KLHL32: variants seen among roughly 807,000 people sequenced by gnomAD.
The protein encoded by KLHL32 is kelch-like protein 32.
Under a neutral mutation model 64.8 loss-of-function variants are expected in KLHL32, and 35 were observed. That is an observed-to-expected ratio of 0.54 (90% CI 0.41 to 0.72). The LOEUF is 0.72. KLHL32 is among the 30% of genes least tolerant of loss of function. The pLI, the probability that KLHL32 is intolerant of heterozygous loss-of-function variation, is 0.00. For synonymous variants in KLHL32, 259 were observed against 281.0 expected, an observed-to-expected ratio of 0.92 and a Z score of 0.78; for missense variants, 589 against 768.5, an observed-to-expected ratio of 0.77 and a Z score of 2.76.
At chr6:96,995,069 A>G (rs1406429505) in intron 3 of KLHL32, among the ~76,000 whole-genome samples, 3 of 152,130 alleles carry the variant, frequency 2.0e-5, no homozygotes, top group Admixed American at 6.5e-5. Flanking sequence ...CTGTGAACCT[A>G]TGTTTTTTCA....
intron 5 of KLHL32, among the ~76,000 whole-genome samples, chr6:97,067,912 G>A (rs1050924192): frequency 2.6e-5 from 4 of 152,108 alleles, no homozygotes; most frequent in Non-Finnish European, 5.9e-5. Flanking sequence ...TGCCATTAGG[G>A]GAGAAGATTC....
chr6:97,015,869 G>A (rs1458160830), intron 3 of KLHL32, among the ~76,000 whole-genome samples: 1 of 152,086 alleles, frequency 6.6e-6, no homozygotes, highest in Non-Finnish European at 1.5e-5. Flanking sequence ...TTGGGACTTG[G>A]TCCCCTGCAT....
At position 96,984,773 on chromosome 6, in the gene KLHL32, C is replaced by T. The variant is rs368840117; in HGVS notation, c.204+8596C>T. ...TTTTGAGCCTATGTGTGTCTCTGCA[C>T]GTGAGATGGGTTTCCTGAATACAGT... is the stretch of plus-strand genomic sequence containing the variant. On this transcript the variant is annotated intron_variant, in intron 3 of 10. Transcript: ENST00000369261. Among the ~76,000 whole-genome samples, 385 of 152,218 alleles carry T rather than the reference C, an allele frequency of 2.5e-3. 1 individual carries two copies. The highest frequency in any genetic ancestry group is 8.8e-3 in the African/African-American group (366 of 41,524).
At chr6:97,081,337 G>A (rs1335545063) in intron 5 of KLHL32, among the ~76,000 whole-genome samples, 5 of 152,074 alleles carry the variant, frequency 3.3e-5, no homozygotes, top group South Asian at 4.2e-4. Context: ...TGGGGACAGA[G>A]GACTATTGCC....
chr6:96,987,762 C>A (rs1190694557), intron 3 of KLHL32, among the ~76,000 whole-genome samples: 1 of 152,082 alleles, frequency 6.6e-6, no homozygotes, highest in East Asian at 1.9e-4. Flanking sequence ...GAGATATAGA[C>A]CAATGGAACA....
chr6:96,940,820 C>T (rs755816810), intron 1 of KLHL32, among the ~76,000 whole-genome samples: 9 of 152,170 alleles, frequency 5.9e-5, no homozygotes, highest in Non-Finnish European at 7.3e-5. Context: ...AGGTGAGAGG[C>T]GCTCCATGCC....
upstream of KLHL32, among the ~76,000 whole-genome samples, chr6:96,921,527 G>C (rs766421547): frequency 1.3e-5 from 2 of 152,154 alleles, no homozygotes; most frequent in Non-Finnish European, 2.9e-5. Flanking sequence ...TTTGGTTTTG[G>C]CATAATTAAT....
chr6:96,984,844 T>C (rs1005800708), intron 3 of KLHL32, among the ~76,000 whole-genome samples: 1 of 152,208 alleles, frequency 6.6e-6, no homozygotes, highest in Non-Finnish European at 1.5e-5. Context: ...AGTCTGTGTC[T>C]TTTAATTGGA....
chr6:97,059,620 A>G (rs950884458), intron 4 of KLHL32, among the ~76,000 whole-genome samples: 2 of 152,206 alleles, frequency 1.3e-5, no homozygotes, highest in Admixed American at 6.5e-5. Flanking sequence ...GTCAATTTAG[A>G]AAATTCTTTT....
chr6:97,116,799 A>T (rs941204296), intron 7 of KLHL32, among the ~76,000 whole-genome samples: 3 of 152,126 alleles, frequency 2.0e-5, no homozygotes, highest in African/African-American at 7.2e-5. Context: ...CATTTTATTA[A>T]ATCTATCAAC....
intron 5 of KLHL32, among the ~76,000 whole-genome samples, chr6:97,083,046 T>C (rs1445574800): frequency 1.3e-5 from 2 of 152,198 alleles, no homozygotes; most frequent in East Asian, 1.9e-4. Context: ...GTAAGTGCTT[T>C]TCATACATTA....
the KLHL32 span, among the ~76,000 whole-genome samples, chr6:96,905,797 A>C: frequency 6.6e-6 from 1 of 152,344 alleles, no homozygotes; most frequent in East Asian, 1.9e-4. Context: ...TAGTATCTTC[A>C]GATTCCTTAT....
rs774024656 is a variant in KLHL32 at position 97,114,360 on chromosome 6, C to T, written c.1205C>T (p.Ala402Val). ...VLGAMEEYLY[A>V]VGGRNELRQV... ...GGTGCCATGGAGGAATACCTCTATGCAGTTGGGGGCAGAAATGAACTGCGC... is the reference window on the plus strand; with the variant it reads ...GGTGCCATGGAGGAATACCTCTATGTAGTTGGGGGCAGAAATGAACTGCGC... The change falls in exon 7 of 11, where the codon GCA becomes GTA. Residue 402 changes from alanine to valine, a missense_variant. Physicochemically the swap from Ala to Val is moderately conservative, Grantham distance 64. This residue lies in a region of KLHL32 where 226 missense variants were observed against 353.2 expected (regional missense o/e 0.64). Transcript: ENST00000369261. 2 of 1,614,180 alleles carry T rather than the reference C, an allele frequency of 1.2e-6. No homozygotes were observed. Among genetic ancestry groups the T allele is most frequent in the South Asian group, 2.2e-5 (2 of 91,082 alleles).
chr6:97,042,684 G>A (rs367829305), intron 4 of KLHL32, among the ~76,000 whole-genome samples: 37 of 152,198 alleles, frequency 2.4e-4, no homozygotes, highest in African/African-American at 8.2e-4. Flanking sequence ...ACTATACAAT[G>A]CATTATTATT....
intron 1 of KLHL32, among the ~76,000 whole-genome samples, chr6:96,966,418 T>A (rs925865242): frequency 6.6e-6 from 1 of 152,238 alleles, no homozygotes. Context: ...CATCCTGTTA[T>A]ATATTTCAAT....
intron 5 of KLHL32, among the ~76,000 whole-genome samples, chr6:97,078,186 T>A (rs1360070194): frequency 6.6e-6 from 1 of 152,180 alleles, no homozygotes; most frequent in African/African-American, 2.4e-5. Context: ...TTGGGAGTGG[T>A]TTTAAAAAGA....
chr6:96,907,288 A>G, the KLHL32 span, among the ~76,000 whole-genome samples: 2 of 152,320 alleles, frequency 1.3e-5, no homozygotes, highest in Admixed American at 6.5e-5. Flanking sequence ...AATTTCTTCT[A>G]TATACTTTCC....
At chr6:97,096,220 C>T (rs1485459004) in intron 6 of KLHL32, among the ~76,000 whole-genome samples, 1 of 152,170 alleles carries the variant, frequency 6.6e-6, no homozygotes, top group Non-Finnish European at 1.5e-5. Context: ...GAGCCAACAG[C>T]CGTCCTGTCC....
At chr6:96,903,983 G>T in the KLHL32 span, among the ~76,000 whole-genome samples, 1 of 152,100 alleles carries the variant, frequency 6.6e-6, no homozygotes, top group Non-Finnish European at 1.5e-5. Flanking sequence ...AAGACTATTA[G>T]ATCTAATAAA....
Sources: allele counts gnomAD v4.1 joint callset (sites outside exome capture counted in the v4.1 genomes callset), GRCh38; gene constraint gnomAD v4.1.1; regional missense constraint gnomAD v4.1.1; transcripts MANE v1.5; gene names NCBI Gene and HGNC (gene_info 2026-07-23, HGNC 2026-07-21).